The following CSMD3 variants were observed in gnomAD, a reference collection of about 807,000 sequenced individuals.
The protein encoded by CSMD3 is CUB and Sushi multiple domains 3.
A neutral mutation model predicts 435.2 loss-of-function variants in CSMD3; 177 were observed. That is an observed-to-expected ratio of 0.41 (90% CI 0.36 to 0.46). The LOEUF (loss-of-function observed/expected upper bound fraction) is 0.46. Ranked by LOEUF, CSMD3 falls within the 20% of genes least tolerant of loss-of-function variation. The pLI is 0.34. For missense variants in CSMD3, 4,265 were observed against 4,504.6 expected (o/e 0.95, Z 1.52); for synonymous variants, 1,656 against 1,520.5 (o/e 1.09, Z -2.07).
At position 112,578,497 on chromosome 8, in the gene CSMD3, G is replaced by C. The variant is rs551623295; in HGVS notation, c.3886-4840C>G. 2.2e-3 allele frequency among the ~76,000 whole-genome samples: 332 copies of C among 151,910 alleles called. 2 individuals carry two copies. The highest frequency in any genetic ancestry group is 3.9e-3 in the Non-Finnish European group (265 of 67,932). The stretch of plus-strand genomic sequence containing the variant: ...CACTTTGAGAGTGCTTTTGAAGGGA[G>C]AGTTAATACAGAATTCCAATGAACA... On this transcript the variant is annotated intron_variant, in intron 23 of 70. Coordinates refer to ENST00000297405, the MANE Select transcript of CSMD3 (RefSeq NM_198123.2).
At chr8:113,105,471 T>C (rs146975875) in intron 4 of CSMD3, among the ~76,000 whole-genome samples, 2 of 152,240 alleles carry the variant, frequency 1.3e-5, no homozygotes, top group African/African-American at 4.8e-5. Context: ...ACTCAAAAGA[T>C]TTACATTAGA....
chr8:112,821,042 C>G (rs2079516853), intron 12 of CSMD3, among the ~76,000 whole-genome samples: 1 of 152,070 alleles, frequency 6.6e-6, no homozygotes, highest in African/African-American at 2.4e-5. Context: ...TTTTCTTTAT[C>G]CAGTCTATCG....
chr8:113,191,621 T>A (rs2092586532), intron 3 of CSMD3, among the ~76,000 whole-genome samples: 1 of 151,846 alleles, frequency 6.6e-6, no homozygotes, highest in Admixed American at 6.6e-5. Context: ...TAGTAGTCCT[T>A]GGTGTCTATG....
At chr8:112,958,169 T>G (rs959688859) in intron 7 of CSMD3, among the ~76,000 whole-genome samples, 2 of 152,172 alleles carry the variant, frequency 1.3e-5, no homozygotes, top group African/African-American at 4.8e-5. Flanking sequence ...ATGAAGCACT[T>G]TCATTTGTAA....
chr8:113,158,296 C>A (rs2091972109), intron 4 of CSMD3, among the ~76,000 whole-genome samples: 3 of 151,822 alleles, frequency 2.0e-5, no homozygotes, highest in South Asian at 2.1e-4. Flanking sequence ...GTAGGGGCAG[C>A]AAAAGGAGAC....
chr8:113,290,005 A>T (rs1483182572), intron 2 of CSMD3, among the ~76,000 whole-genome samples: 9 of 151,732 alleles, frequency 5.9e-5, no homozygotes, highest in Non-Finnish European at 1.3e-4. Flanking sequence ...TGTATATATT[A>T]TAATGTGGTA....
intron 5 of CSMD3, among the ~76,000 whole-genome samples, chr8:113,035,351 A>C (rs2087298371): frequency 6.6e-6 from 1 of 152,024 alleles, no homozygotes; most frequent in African/African-American, 2.4e-5. Flanking sequence ...AAGAACATAG[A>C]TGAATCTCAA....
At chr8:112,252,304 A>G (rs1013135699) in intron 63 of CSMD3, among the ~76,000 whole-genome samples, 2 of 151,964 alleles carry the variant, frequency 1.3e-5, no homozygotes, top group African/African-American at 4.8e-5. Context: ...GCTGAGATGT[A>G]AATAGAAATG....
intron 10 of CSMD3, among the ~76,000 whole-genome samples, chr8:112,912,333 G>A (rs977728205): frequency 6.6e-6 from 1 of 151,032 alleles, no homozygotes; most frequent in African/African-American, 2.4e-5. Context: ...TCAGGAATCT[G>A]CATACTATTT....
At chr8:113,378,762 A>AGTGTGTGTGTGT (rs5894145) in intron 1 of CSMD3, among the ~76,000 whole-genome samples, 2,221 of 148,252 alleles carry the variant, frequency 0.015, 26 homozygotes, top group South Asian at 0.041. Flanking sequence ...GTCACACTGA[A>AGTGTGTGTGTGT]GTGTGTGTGT....
chr8:112,390,631 C>T (rs1391512255), intron 36 of CSMD3, 33 bp downstream of exon 36: 1 of 1,571,894 alleles, frequency 6.4e-7, no homozygotes, highest in Non-Finnish European at 8.8e-7. Flanking sequence ...TACACACATA[C>T]AATGAAAAGA....
chr8:112,637,102 C>G (rs536555180), intron 21 of CSMD3, 97 bp from the exon 22 acceptor site: 1 of 949,838 alleles, frequency 1.1e-6, no homozygotes, highest in Non-Finnish European at 1.7e-6. Flanking sequence ...GTTTTTAGAA[C>G]CTAGTCATAT....
chr8:112,682,712 A>G (rs2075928514), intron 15 of CSMD3, 76 bp from the exon 16 acceptor site: 1 of 990,482 alleles, frequency 1.0e-6, no homozygotes, highest in African/African-American at 1.6e-5. Flanking sequence ...TATTTTGGAA[A>G]AGAGAGAGAG....
At chr8:112,840,245 C>A (rs1186128098) in intron 11 of CSMD3, among the ~76,000 whole-genome samples, 4 of 151,668 alleles carry the variant, frequency 2.6e-5, no homozygotes, top group Admixed American at 1.3e-4. Context: ...AAAAAGGTCA[C>A]CGGTATTTTG....
chr8:112,948,308 GA>G (rs1335109278), intron 8 of CSMD3, among the ~76,000 whole-genome samples: 2 of 151,888 alleles, frequency 1.3e-5, no homozygotes, highest in African/African-American at 4.8e-5. Context: ...ACGACTTTAT[GA>G]AAAAAGTTCA....
In CSMD3 at chr8:112,289,768, T is replaced by C. The variant is rs544754411; in HGVS notation, c.8975-230A>G. On this transcript the variant is annotated intron_variant, in intron 56 of 70. Coordinates refer to ENST00000297405, the MANE Select transcript of CSMD3 (RefSeq NM_198123.2). ...TCCGAGGATGAGTTTAACAGCAACA[T>C]TGTAAGCTAAGTAAGCATTAAAAAT... Among the ~76,000 whole-genome samples the C allele has an allele frequency of 4.6e-5, 7 of 152,196 alleles. No homozygotes were observed. In the East Asian group the frequency reaches 1.3e-3, roughly 29 times the overall value.
chr8:113,170,054 C>G (rs1283466193), intron 4 of CSMD3, among the ~76,000 whole-genome samples: 1 of 152,076 alleles, frequency 6.6e-6, no homozygotes, highest in African/African-American at 2.4e-5. Flanking sequence ...TGTTAGGAAG[C>G]ATCAAAAGAA....
intron 23 of CSMD3, among the ~76,000 whole-genome samples, chr8:112,579,703 C>G (rs1830203943): frequency 6.6e-6 from 1 of 151,938 alleles, no homozygotes; most frequent in Non-Finnish European, 1.5e-5. Context: ...CAAAGACTCA[C>G]ACATAGATAG....
intron 36 of CSMD3, among the ~76,000 whole-genome samples, chr8:112,386,789 G>T (rs1044819328): frequency 6.6e-6 from 1 of 152,068 alleles, no homozygotes; most frequent in Non-Finnish European, 1.5e-5. Flanking sequence ...GAGCCACCGC[G>T]CCCGGCCCAA....
Sources: allele counts gnomAD v4.1 joint callset (sites outside exome capture counted in the v4.1 genomes callset), GRCh38; gene constraint gnomAD v4.1.1; transcripts MANE v1.5; gene names NCBI Gene and HGNC (gene_info 2026-07-23, HGNC 2026-07-21).